The following DOK6 variants were observed in gnomAD, a reference collection of about 807,000 sequenced individuals.
The protein encoded by DOK6 is downstream of tyrosine kinase 6.
DOK6 carries 22 observed loss-of-function variants against 44.0 expected under a neutral mutation model. That is an observed-to-expected ratio of 0.50 (90% CI 0.36 to 0.71). The LOEUF (loss-of-function observed/expected upper bound fraction) is 0.71, where lower values mean the gene tolerates loss of function less well. Among genes scored for constraint, DOK6 ranks in the 30% least tolerant of loss-of-function variants. The pLI, the probability that DOK6 is intolerant of heterozygous loss-of-function variation, is 0.00. For synonymous variants in DOK6, 166 were observed against 145.5 expected (o/e 1.14, Z -1.01); for missense variants, 340 against 416.4 (o/e 0.82, Z 1.60).
At chr18:69,701,728 C>T (rs1294516434) in intron 5 of DOK6, among the ~76,000 whole-genome samples, 4 of 152,058 alleles carry the variant, frequency 2.6e-5, no homozygotes, top group African/African-American at 9.7e-5. Context: ...ATTTAGAAAC[C>T]TGGGAAAAAC....
At chr18:69,797,838 G>T (rs1293674167) in intron 7 of DOK6, among the ~76,000 whole-genome samples, 1 of 151,978 alleles carries the variant, frequency 6.6e-6, no homozygotes, top group African/African-American at 2.4e-5. Flanking sequence ...AGGCAGTAGT[G>T]CACTAAAAAA....
intron 1 of DOK6, among the ~76,000 whole-genome samples, chr18:69,435,824 C>G (rs761747615): frequency 5.3e-5 from 8 of 152,054 alleles, no homozygotes; most frequent in Non-Finnish European, 8.8e-5. Context: ...CCCCCTCCCT[C>G]TTTCGTTTTT....
At chr18:69,647,044 G>GTCTATCTGACTATCCTA (rs1568321142) in intron 3 of DOK6, among the ~76,000 whole-genome samples, 2 of 58,046 alleles carry the variant, frequency 3.4e-5, no homozygotes, top group Non-Finnish European at 9.9e-5. Context: ...TGTCTATCCT[G>GTCTATCTGACTATCCTA]TCTATCTGTC....
chr18:69,725,664 T>C (rs1978303119), intron 5 of DOK6, among the ~76,000 whole-genome samples: 2 of 152,072 alleles, frequency 1.3e-5, no homozygotes. Flanking sequence ...ATTTTTGTAT[T>C]TTTAGTAGAG....
At chr18:69,701,337 T>C (rs1035457455) in intron 5 of DOK6, among the ~76,000 whole-genome samples, 5 of 152,234 alleles carry the variant, frequency 3.3e-5, no homozygotes, top group African/African-American at 1.2e-4. Flanking sequence ...TCTTTTACCA[T>C]AAGGATCATA....
chr18:69,736,069 C>T (rs1978594907), intron 5 of DOK6, among the ~76,000 whole-genome samples: 1 of 152,132 alleles, frequency 6.6e-6, no homozygotes, highest in Admixed American at 6.5e-5. Flanking sequence ...TCCCTGGTAG[C>T]ACATATCACA....
intron 1 of DOK6, among the ~76,000 whole-genome samples, chr18:69,546,330 A>C (rs964119798): frequency 2.6e-5 from 4 of 151,280 alleles, no homozygotes; most frequent in African/African-American, 9.7e-5. Context: ...ATACATACAT[A>C]TACCTGTATG....
chr18:69,603,809 A>G (rs1046058128), intron 3 of DOK6, among the ~76,000 whole-genome samples: 17 of 151,600 alleles, frequency 1.1e-4, no homozygotes, highest in Non-Finnish European at 2.1e-4. Context: ...ACATCTGTGG[A>G]AAACTTTACT....
At chr18:69,722,995 C>A (rs1448146182) in intron 5 of DOK6, among the ~76,000 whole-genome samples, 1 of 152,130 alleles carries the variant, frequency 6.6e-6, no homozygotes, top group African/African-American at 2.4e-5. Flanking sequence ...AGAGAAAAAT[C>A]CATAAAGTCA....
intron 4 of DOK6, 36 bp from the exon 5 acceptor site, chr18:69,698,368 T>TGAAAAAAAA (rs1986437535): frequency 1.3e-6 from 2 of 1,564,846 alleles, no homozygotes. Flanking sequence ...CACACCTCTT[T>TGAAAAAAAA]TCACTTAACC....
chr18:69,504,585 G>A (rs555139401), intron 1 of DOK6, among the ~76,000 whole-genome samples: 1 of 152,196 alleles, frequency 6.6e-6, no homozygotes, highest in South Asian at 2.1e-4. Flanking sequence ...AAAAGTATAT[G>A]ATGAGCAATA....
intron 2 of DOK6, among the ~76,000 whole-genome samples, chr18:69,573,320 T>A (rs1160643018): frequency 6.6e-6 from 1 of 151,830 alleles, no homozygotes; most frequent in African/African-American, 2.4e-5. Flanking sequence ...GTTAAGGGAA[T>A]CATCTTGTGA....
intron 1 of DOK6, among the ~76,000 whole-genome samples, chr18:69,476,030 A>C (rs531232202): frequency 2.0e-5 from 3 of 151,696 alleles, no homozygotes; most frequent in Non-Finnish European, 4.4e-5. Flanking sequence ...AGTCCTTGCC[A>C]CTCTCCTTCC....
intron 1 of DOK6, among the ~76,000 whole-genome samples, chr18:69,556,872 T>A (rs1982700294): frequency 6.6e-6 from 1 of 152,200 alleles, no homozygotes; most frequent in South Asian, 2.1e-4. Context: ...CACTGACTAC[T>A]TTTTTACACA....
chr18:69,557,603 G>T (rs2144592736), intron 1 of DOK6, among the ~76,000 whole-genome samples: 1 of 152,276 alleles, frequency 6.6e-6, no homozygotes, highest in African/African-American at 2.4e-5. Context: ...AGCTGAGGGT[G>T]TGAACCAGCT....
At chr18:69,819,191 C>T (rs1981495086) in intron 7 of DOK6, among the ~76,000 whole-genome samples, 1 of 152,116 alleles carries the variant, frequency 6.6e-6, no homozygotes, top group African/African-American at 2.4e-5. Context: ...ACCAGTATCA[C>T]TCAATCTAAT....
intron 1 of DOK6, chr18:69,483,877 T>A (rs9319780): frequency 6.6e-6 from 1 of 152,010 alleles, no homozygotes; most frequent in East Asian, 1.9e-4. Context: ...GTTAATTGCT[T>A]TCCTTTAGTG....
At chr18:69,527,907 A>G (rs1419003087) in intron 1 of DOK6, among the ~76,000 whole-genome samples, 2 of 152,098 alleles carry the variant, frequency 1.3e-5, no homozygotes, top group Non-Finnish European at 2.9e-5. Flanking sequence ...TCACACCTGT[A>G]ATCCCAGCAA....
rs912941528 is a variant in DOK6, at chr18:69,452,664, A to C, written c.66+51354A>C. ...GAACATTGATGCAAAAATCCTCAAT[A>C]AAATACTGGCAAACCGAATCCAGCA... is the stretch of plus-strand genomic sequence containing the variant. On this transcript the variant is annotated intron_variant, in intron 1 of 7. Transcript: ENST00000382713. 2.7e-3 allele frequency among the ~76,000 whole-genome samples: 397 copies of C among 148,044 alleles called. 1 individual carries two copies. Among genetic ancestry groups the C allele is most frequent in the African/African-American group, 9.5e-3 (376 of 39,786 alleles).
Sources: allele counts gnomAD v4.1 joint callset (sites outside exome capture counted in the v4.1 genomes callset), GRCh38; gene constraint gnomAD v4.1.1; transcripts MANE v1.5; gene names NCBI Gene and HGNC (gene_info 2026-07-23, HGNC 2026-07-21).